Variants in XPNPEP1 observed in about 807,000 individuals in gnomAD.
XPNPEP1 encodes X-prolyl aminopeptidase 1.
Under a neutral mutation model 92.4 loss-of-function variants are expected in XPNPEP1, and 39 were observed. That is an observed-to-expected ratio of 0.42 (90% CI 0.33 to 0.55). The LOEUF (loss-of-function observed/expected upper bound fraction) is 0.55, where lower values mean the gene tolerates loss of function less well. Ranked by LOEUF, XPNPEP1 falls within the 20% of genes least tolerant of loss-of-function variation. The pLI, the probability that XPNPEP1 is intolerant of heterozygous loss-of-function variation, is 0.08. For synonymous variants in XPNPEP1, 307 were observed against 299.4 expected (o/e 1.03, Z -0.26); for missense variants, 654 against 856.1 (o/e 0.76, Z 2.95).
chr10:109,880,093 G>C, intron 12 of XPNPEP1, 95 bp downstream of exon 12: 1 of 1,255,440 alleles, frequency 8.0e-7, no homozygotes, highest in East Asian at 2.4e-5. Context: ...CAGATCTCAT[G>C]GTCAGCAGAG....
At chr10:109,866,157 T>C (rs1847131043) in intron 20 of XPNPEP1, among the ~76,000 whole-genome samples, 1 of 152,230 alleles carries the variant, frequency 6.6e-6, no homozygotes, top group South Asian at 2.1e-4. Context: ...GTGCTTGTCA[T>C]AAATGAGTCA....
intron 17 of XPNPEP1, 197 bp from the exon 18 acceptor site, chr10:109,871,101 C>T (rs775455276): frequency 7.2e-6 from 4 of 556,506 alleles, no homozygotes; most frequent in South Asian, 3.1e-5. Context: ...TGAAGCTAGG[C>T]GATCATCCAT....
intron 3 of XPNPEP1, among the ~76,000 whole-genome samples, chr10:109,904,875 G>A (rs1397737327): frequency 1.3e-5 from 2 of 152,130 alleles, no homozygotes; most frequent in African/African-American, 4.8e-5. Context: ...ATTAAAAATA[G>A]AAGGATCATA....
rs189626004 is a variant in XPNPEP1 at position 109,867,999 on chromosome 10, C to T, written c.1872+615G>A. 5.9e-5 allele frequency among the ~76,000 whole-genome samples: 9 copies of T among 152,312 alleles called. No homozygotes were observed. Among genetic ancestry groups the T allele is most frequent in the Non-Finnish European group, 8.8e-5 (6 of 68,036 alleles). On this transcript the variant is annotated intron_variant, in intron 20 of 20. Transcript: ENST00000502935. The surrounding 1 kb of genome is among the most constrained non-coding windows in gnomAD (Gnocchi z 4.5). ...TGCCATCTGACCTGGCCTTACCAGT[C>T]CAGGGTCTGAAGGAGTTAAGACCCA...
chr10:109,872,044 C>T (rs536174855), intron 16 of XPNPEP1, among the ~76,000 whole-genome samples, 183 bp from the exon 17 acceptor site: 27 of 152,308 alleles, frequency 1.8e-4, no homozygotes, highest in Non-Finnish European at 3.2e-4. Flanking sequence ...CCCAGAAAAT[C>T]TTGAAATTCA....
At position 109,864,926 on chromosome 10, in the gene XPNPEP1, G is replaced by A; in HGVS notation, c.*258C>T. 2.1e-6 allele frequency: 1 copy of A among 471,918 alleles called. No homozygotes were observed. Among genetic ancestry groups the A allele is most frequent in the Non-Finnish European group, 3.8e-6 (1 of 265,420 alleles). The allele number at this position is 471,918 out of a possible 1,614,324, so 29.2% of individuals were successfully genotyped here. A position where few individuals can be genotyped will look rare whatever the true frequency, so the allele number is the denominator to read the frequency against. Reference sequence around the variant, plus strand: ...TCGGGGCATCTTCCTTTCACCAAGTGTTCAACTTTGGAGGGACCCTCCTTC... The same window carrying A: ...TCGGGGCATCTTCCTTTCACCAAGTATTCAACTTTGGAGGGACCCTCCTTC... On this transcript the variant is annotated 3_prime_UTR_variant, in exon 21 of 21. Coordinates refer to ENST00000502935, the MANE Select transcript of XPNPEP1 (RefSeq NM_020383.4).
chr10:109,917,799 A>G (rs1399382268), intron 1 of XPNPEP1, among the ~76,000 whole-genome samples: 1 of 152,246 alleles, frequency 6.6e-6, no homozygotes, highest in Non-Finnish European at 1.5e-5. Flanking sequence ...AACAGTCCAG[A>G]AATAAACCCT....
intron 3 of XPNPEP1, among the ~76,000 whole-genome samples, chr10:109,904,379 T>C (rs2133507669): frequency 6.6e-6 from 1 of 151,922 alleles, no homozygotes. Flanking sequence ...TCTCCCTTCA[T>C]CCACCTCTAC....
intron 3 of XPNPEP1, among the ~76,000 whole-genome samples, chr10:109,904,286 C>T (rs146204276): frequency 6.0e-5 from 9 of 150,526 alleles, no homozygotes; most frequent in African/African-American, 2.2e-4. Flanking sequence ...ACCCCGATTC[C>T]AGCTTGATAT....
At chr10:109,868,525 A>C in intron 20 of XPNPEP1, 89 bp downstream of exon 20, 1 of 1,153,508 alleles carries the variant, frequency 8.7e-7, no homozygotes, top group Middle Eastern at 2.1e-4. Context: ...GGATTAGAGA[A>C]TTTAGGATTT....
rs943919500 is a variant in XPNPEP1, at chr10:109,882,743, C to G, written c.831-101G>C. ...ACATCAGGCTCTGTTTCCTGGCAAC[C>G]AAAACCAAGCCCCTTTTCTCTCCTC... On this transcript the variant is annotated intron_variant, in intron 9 of 20. Transcript: ENST00000502935. The G allele has an allele frequency of 1.1e-5, 14 of 1,264,938 alleles. No individual in the cohort carries two copies. In the African/African-American group the frequency reaches 2.1e-4, roughly 19 times the overall value. 78.4% of individuals were successfully genotyped at this position (1,264,938 alleles called of 1,614,324 possible).
chr10:109,916,196 C>A (rs1850179742), intron 1 of XPNPEP1, among the ~76,000 whole-genome samples: 1 of 152,130 alleles, frequency 6.6e-6, no homozygotes, highest in African/African-American at 2.4e-5. Context: ...CCAGGGACAG[C>A]CTCTATTATA....
At chr10:109,902,438 G>A (rs750054804) in intron 3 of XPNPEP1, among the ~76,000 whole-genome samples, 15 of 152,230 alleles carry the variant, frequency 9.9e-5, no homozygotes, top group Non-Finnish European at 1.9e-4. Context: ...CTAGTAAGTA[G>A]CAAATCTGGC....
At chr10:109,916,178 TG>T (rs1850178578) in intron 1 of XPNPEP1, among the ~76,000 whole-genome samples, 1 of 152,186 alleles carries the variant, frequency 6.6e-6, no homozygotes, top group African/African-American at 2.4e-5. Context: ...TTATTTCATA[TG>T]GGGTAGCCAG....
At chr10:109,882,405 T>C (rs1848151265) in intron 10 of XPNPEP1, 27 bp downstream of exon 10, 2 of 1,601,910 alleles carry the variant, frequency 1.2e-6, no homozygotes, top group South Asian at 1.1e-5. Flanking sequence ...TGGCAGAGTT[T>C]AGATGGGCCA....
intron 12 of XPNPEP1, among the ~76,000 whole-genome samples, chr10:109,878,735 G>GA (rs1013361842): frequency 2.6e-5 from 4 of 151,926 alleles, no homozygotes; most frequent in South Asian, 2.1e-4. Flanking sequence ...AAAAAAATCA[G>GA]AAAAAATCAG....
At chr10:109,901,494 A>C (rs1849288957) in intron 3 of XPNPEP1, among the ~76,000 whole-genome samples, 1 of 152,204 alleles carries the variant, frequency 6.6e-6, no homozygotes, top group South Asian at 2.1e-4. Context: ...GTTCCAATTT[A>C]AATCCTACTT....
chr10:109,889,363 C>T (rs1183820239), intron 5 of XPNPEP1, among the ~76,000 whole-genome samples: 1 of 152,146 alleles, frequency 6.6e-6, no homozygotes, highest in Non-Finnish European at 1.5e-5. Context: ...ATTACCATGC[C>T]CAGTTAATTC....
intron 20 of XPNPEP1, among the ~76,000 whole-genome samples, chr10:109,866,037 A>C (rs1847123948): frequency 1.3e-5 from 2 of 152,112 alleles, no homozygotes; most frequent in South Asian, 4.1e-4. Context: ...ATACGGGAAA[A>C]GGTGAAGTCT....
Sources: allele counts gnomAD v4.1 joint callset (sites outside exome capture counted in the v4.1 genomes callset), GRCh38; gene constraint gnomAD v4.1.1; non-coding constraint Gnocchi (gnomAD v3.1); transcripts MANE v1.5; gene names NCBI Gene and HGNC (gene_info 2026-07-23, HGNC 2026-07-21).